The following BEND7 variants were observed in gnomAD, a reference collection of about 807,000 sequenced individuals.
BEND7 encodes BEN domain containing 7, also known as BEN domain-containing protein 7.
BEND7 carries 28 observed loss-of-function variants against 50.9 expected under a neutral mutation model. The ratio of observed to expected loss-of-function variants is 0.55; its 90% CI spans 0.41 to 0.75. The LOEUF is 0.75. BEND7 is among the 30% of genes least tolerant of loss of function. The pLI, the probability that BEND7 is intolerant of heterozygous loss-of-function variation, is 0.00. For missense variants in BEND7, 477 were observed against 491.3 expected (o/e 0.97, Z 0.28); for synonymous variants, 170 against 183.9 (o/e 0.92, Z 0.61).
intron 1 of BEND7, 104 bp downstream of exon 1, chr10:13,528,369 A>C (rs930930609): frequency 7.4e-6 from 3 of 402,698 alleles, no homozygotes; most frequent in African/African-American, 4.4e-5. Flanking sequence ...GGGACCGGGA[A>C]GGACCGGGGG....
intron 3 of BEND7, among the ~76,000 whole-genome samples, chr10:13,498,798 T>C (rs1425740834): frequency 5.9e-5 from 9 of 152,324 alleles, no homozygotes; most frequent in African/African-American, 2.2e-4. Flanking sequence ...CATTGGAACT[T>C]TGATACTGGC....
intron 6 of BEND7, among the ~76,000 whole-genome samples, chr10:13,468,642 G>GCAGA: frequency 6.6e-6 from 1 of 152,146 alleles, no homozygotes; most frequent in Non-Finnish European, 1.5e-5. Flanking sequence ...TTTCAAGAGT[G>GCAGA]TTTTTGCAGA....
intron 1 of BEND7, among the ~76,000 whole-genome samples, chr10:13,528,110 A>G (rs543256662): frequency 6.6e-6 from 1 of 152,106 alleles, no homozygotes; most frequent in South Asian, 2.1e-4. Flanking sequence ...CAGAAAACAA[A>G]AACAGCAAAT....
chr10:13,475,026 A>G (rs1179853362), intron 6 of BEND7, among the ~76,000 whole-genome samples: 1 of 152,250 alleles, frequency 6.6e-6, no homozygotes, highest in Admixed American at 6.5e-5. Context: ...TCGAACCAAC[A>G]CCCAGGAAAT....
intron 6 of BEND7, among the ~76,000 whole-genome samples, chr10:13,453,598 C>T (rs1013642433): frequency 5.9e-5 from 9 of 152,188 alleles, no homozygotes; most frequent in Non-Finnish European, 1.0e-4. Context: ...CAAGAAGGTT[C>T]ACCATCTACC....
intron 2 of BEND7, among the ~76,000 whole-genome samples, chr10:13,504,632 T>C (rs181555481): frequency 2.6e-4 from 39 of 152,350 alleles, no homozygotes; most frequent in East Asian, 9.6e-4. Flanking sequence ...GGAAGCTCTT[T>C]GGAGCAACGA....
In BEND7 at chr10:13,496,756, A is replaced by G. The variant is rs1366922162; in HGVS notation, c.571+10T>C. 1 of 1,610,928 alleles carries G rather than the reference A, an allele frequency of 6.2e-7. No homozygotes were observed. Among genetic ancestry groups the G allele is most frequent in the Non-Finnish European group, 8.5e-7 (1 of 1,179,040 alleles). ...ATCAAAGGACTCATTCCGAGGCCTG[A>G]TCCTTGTACCTGCTTGAATTTGCAT... is the stretch of plus-strand genomic sequence containing the variant. On this transcript the variant is annotated intron_variant, in intron 4 of 8. Coordinates refer to ENST00000466271, the MANE Select transcript of BEND7 (RefSeq NM_001369863.1).
chr10:13,487,385 TTTC>T (rs201391646), intron 5 of BEND7, among the ~76,000 whole-genome samples: 23 of 87,682 alleles, frequency 2.6e-4, no homozygotes, highest in East Asian at 1.2e-3. Flanking sequence ...TTTCTTTTCT[TTTC>T]TTTTTTTTTT....
intron 2 of BEND7, among the ~76,000 whole-genome samples, chr10:13,506,271 C>T (rs2077880787): frequency 6.6e-6 from 1 of 152,204 alleles, no homozygotes; most frequent in Admixed American, 6.5e-5. Context: ...ATCCTGCCTT[C>T]CCTGTTGGCC....
Position 13,447,063 on chromosome 10 carries a change from G to A in BEND7, c.1234+203C>T, listed in dbSNP as rs60521453. ...CTGAGATTTTTATGAAAATAAGAGTGTGAGAAAAACGTTTTTCTATTCAGT... is the reference window on the plus strand; with the variant it reads ...CTGAGATTTTTATGAAAATAAGAGTATGAGAAAAACGTTTTTCTATTCAGT... On this transcript the variant is annotated intron_variant, in intron 8 of 8. Transcript: ENST00000466271. 5,168 of 603,160 alleles carry A rather than the reference G, an allele frequency of 8.6e-3. 209 individuals are homozygous for A. In the African/African-American group the frequency reaches 0.087, roughly 10 times the overall value. The allele number at this position is 603,160 out of a possible 1,614,324, so 37.4% of individuals were successfully genotyped here.
chr10:13,526,901 G>A (rs1435225350), intron 1 of BEND7, among the ~76,000 whole-genome samples: 7 of 152,130 alleles, frequency 4.6e-5, no homozygotes, highest in Admixed American at 4.6e-4. Context: ...AACTTGCTAC[G>A]TCAGTCAAAG....
chr10:13,458,048 G>A (rs1156610716), intron 6 of BEND7, among the ~76,000 whole-genome samples: 1 of 152,206 alleles, frequency 6.6e-6, no homozygotes, highest in Non-Finnish European at 1.5e-5. Context: ...AAGAGCTAAA[G>A]CATCTCTTCT....
At chr10:13,495,270 A>G (rs1374123909) in intron 4 of BEND7, among the ~76,000 whole-genome samples, 4 of 152,242 alleles carry the variant, frequency 2.6e-5, no homozygotes, top group South Asian at 2.1e-4. Flanking sequence ...CTCCAGGTTA[A>G]TAAGAACACA....
chr10:13,496,460 C>CAG (rs2077025929), intron 4 of BEND7, among the ~76,000 whole-genome samples: 1 of 152,188 alleles, frequency 6.6e-6, no homozygotes, highest in African/African-American at 2.4e-5. Context: ...AAGGACCCCT[C>CAG]CATACACAGT....
At chr10:13,459,685 A>T (rs186854709) in intron 6 of BEND7, 2 of 152,180 alleles carry the variant, frequency 1.3e-5, no homozygotes, top group African/African-American at 4.8e-5. Flanking sequence ...TCAGACCTAA[A>T]CCCAACCCTA....
chr10:13,504,480 T>C (rs1055432036), intron 2 of BEND7, among the ~76,000 whole-genome samples: 7 of 152,056 alleles, frequency 4.6e-5, no homozygotes, highest in Admixed American at 1.3e-4. Context: ...TCTTCTATCA[T>C]AGTGGAATCC....
chr10:13,454,200 G>A (rs1422655436), intron 6 of BEND7, among the ~76,000 whole-genome samples: 4 of 152,164 alleles, frequency 2.6e-5, no homozygotes, highest in African/African-American at 9.7e-5. Context: ...GACATCGCAG[G>A]CTTGGTTTGG....
chr10:13,493,020 G>C, intron 4 of BEND7, 144 bp from the exon 5 acceptor site: 1 of 1,007,504 alleles, frequency 9.9e-7, no homozygotes, highest in Non-Finnish European at 1.4e-6. Flanking sequence ...TCTCCAACTG[G>C]ACCTAAAGGT....
At chr10:13,528,121 C>T (rs979267551) in intron 1 of BEND7, among the ~76,000 whole-genome samples, 1 of 152,126 alleles carries the variant, frequency 6.6e-6, no homozygotes, top group South Asian at 2.1e-4. Context: ...AACAGCAAAT[C>T]TCAGGTCCGA....
Sources: allele counts gnomAD v4.1 joint callset (sites outside exome capture counted in the v4.1 genomes callset), GRCh38; gene constraint gnomAD v4.1.1; transcripts MANE v1.5; gene names NCBI Gene and HGNC (gene_info 2026-07-23, HGNC 2026-07-21).